The following PREX2 variants were observed in gnomAD, a reference collection of about 807,000 sequenced individuals.
PREX2 encodes the protein phosphatidylinositol-3,4,5-trisphosphate dependent Rac exchange factor 2.
PREX2 carries 107 observed loss-of-function variants against 203.2 expected under a neutral mutation model. That is an observed-to-expected ratio of 0.53 (90% CI 0.45 to 0.62). PREX2 has a LOEUF of 0.62. Among genes scored for constraint, PREX2 ranks in the 20% least tolerant of loss-of-function variants. PREX2 has a pLI of 0.00. For missense variants in PREX2, 1,777 were observed against 1,955.9 expected (o/e 0.91, Z 1.72); for synonymous variants, 672 against 663.6 (o/e 1.01, Z -0.19).
At chr8:68,108,437 A>G (rs185039668) in intron 24 of PREX2, 106 bp downstream of exon 24, 3 of 713,386 alleles carry the variant, frequency 4.2e-6, no homozygotes, top group African/African-American at 3.6e-5. Flanking sequence ...GCAAACAAGC[A>G]TGAACTTTTA....
chr8:68,217,815 T>C (rs1812873479), intron 38 of PREX2, 97 bp downstream of exon 38: 1 of 751,038 alleles, frequency 1.3e-6, no homozygotes, highest in Admixed American at 2.6e-5. Flanking sequence ...TGCCTGGATG[T>C]GATGGACAGT....
In PREX2 at chr8:68,115,728, A is replaced by AT. The variant is rs35346688; in HGVS notation, c.3147-16dup. 6.5e-3 allele frequency: 9,943 copies of AT among 1,531,258 alleles called. 195 individuals are homozygous for AT. The African/African-American group carries it at 0.074, about 11-fold the overall frequency. The allele number at this position is 1,531,258 out of a possible 1,614,324, so 94.9% of individuals were successfully genotyped here. ...TATAGCAGACAGTTTGAAAATGTGC[A>AT]TTTTTTTTTAATATTACATTGCAGC... is the stretch of plus-strand genomic sequence containing the variant. On this transcript the variant is annotated intron_variant, in intron 25 of 39. Coordinates refer to ENST00000288368, the MANE Select transcript of PREX2 (RefSeq NM_024870.4).
At chr8:68,162,858 T>A (rs1365455598) in intron 35 of PREX2, among the ~76,000 whole-genome samples, 1 of 152,150 alleles carries the variant, frequency 6.6e-6, no homozygotes, top group Non-Finnish European at 1.5e-5. Context: ...TCCAAAGACA[T>A]AAGCTCACAG....
In PREX2 at chr8:68,197,947, T is replaced by C. The variant is rs190986107; in HGVS notation, c.4604+5422T>C. On this transcript the variant is annotated intron_variant, in intron 37 of 39. Coordinates refer to ENST00000288368, the MANE Select transcript of PREX2 (RefSeq NM_024870.4). ...ATTTATCTTCTTTCTCAATTGTATATAAGAAACTACAGAGCGGCATCTTTC... is the reference window on the plus strand; with the variant it reads ...ATTTATCTTCTTTCTCAATTGTATACAAGAAACTACAGAGCGGCATCTTTC... Among the ~76,000 whole-genome samples, 7 of 152,058 alleles carry C rather than the reference T, an allele frequency of 4.6e-5. No homozygotes were observed. In the East Asian group the frequency reaches 7.7e-4, roughly 17 times the overall value.
intron 7 of PREX2, among the ~76,000 whole-genome samples, chr8:68,039,250 AC>A (rs1161738385): frequency 4.0e-5 from 6 of 151,800 alleles, no homozygotes; most frequent in Non-Finnish European, 8.8e-5. Context: ...CCACTGAGCT[AC>A]TCCTATCAGA....
intron 37 of PREX2, among the ~76,000 whole-genome samples, chr8:68,194,890 C>G (rs1266403069): frequency 7.2e-6 from 1 of 138,872 alleles, no homozygotes; most frequent in Non-Finnish European, 1.6e-5. Flanking sequence ...TGAGTGTCCT[C>G]AAGTGGGAAA....
intron 7 of PREX2, among the ~76,000 whole-genome samples, chr8:68,043,924 G>T (rs998651892): frequency 2.0e-5 from 3 of 151,910 alleles, no homozygotes; most frequent in Admixed American, 6.6e-5. Context: ...AATAAATAAG[G>T]CCTTCATGAA....
chr8:67,962,142 T>C (rs1319747625), intron 1 of PREX2, among the ~76,000 whole-genome samples: 1 of 152,244 alleles, frequency 6.6e-6, no homozygotes, highest in Non-Finnish European at 1.5e-5. Context: ...ACTTTTGTTA[T>C]TTTAATTATC....
chr8:67,971,391 G>T (rs1805924894), intron 1 of PREX2, among the ~76,000 whole-genome samples: 2 of 152,188 alleles, frequency 1.3e-5, no homozygotes, highest in Admixed American at 6.5e-5. Context: ...ATCTCAGGGT[G>T]CGGGGAGAGA....
At chr8:68,134,612 A>G (rs1029349440) in intron 32 of PREX2, among the ~76,000 whole-genome samples, 1 of 152,196 alleles carries the variant, frequency 6.6e-6, no homozygotes, top group African/African-American at 2.4e-5. Flanking sequence ...TTCCCAGTCG[A>G]AGGACACAGG....
chr8:68,146,249 T>C lies in PREX2; in HGVS notation c.4128T>C (p.Ala1376=). The part of the protein sequence containing the change: ...LTYQAEGSRQ[A]LKVYFYIDSY... ...ATCAAGCAGAAGGAAGTCGGCAAGC[T>C]CTGAAAGTTTACTTCTACATTGATA... The change falls in exon 34 of 40, where the codon GCT becomes GCC. Residue 1376 remains alanine, a synonymous_variant. Transcript: ENST00000288368. 2 of 1,611,836 alleles carry C rather than the reference T, an allele frequency of 1.2e-6. No individual in the cohort carries two copies. Among genetic ancestry groups the C allele is most frequent in the Non-Finnish European group, 1.7e-6 (2 of 1,178,670 alleles).
At chr8:68,157,690 A>C (rs1268301773) in intron 35 of PREX2, among the ~76,000 whole-genome samples, 2 of 152,116 alleles carry the variant, frequency 1.3e-5, no homozygotes, top group African/African-American at 4.8e-5. Flanking sequence ...AGAAGGGGTT[A>C]AATATGTAGT....
chr8:68,204,937 T>TC (rs1024555409), intron 37 of PREX2, among the ~76,000 whole-genome samples: 6 of 151,994 alleles, frequency 3.9e-5, no homozygotes, highest in Non-Finnish European at 5.9e-5. Flanking sequence ...CGCCTCGGCC[T>TC]CCCAAAGTGC....
At chr8:67,981,893 A>C (rs932020807) in intron 1 of PREX2, among the ~76,000 whole-genome samples, 1 of 152,184 alleles carries the variant, frequency 6.6e-6, no homozygotes, top group African/African-American at 2.4e-5. Flanking sequence ...AGAGGCTTCC[A>C]TAAGAATCGC....
intron 37 of PREX2, among the ~76,000 whole-genome samples, chr8:68,207,997 T>C (rs1346324839): frequency 1.3e-5 from 2 of 152,126 alleles, no homozygotes; most frequent in Admixed American, 1.3e-4. Context: ...AGGGACCATA[T>C]TGTGAAGATC....
At chr8:68,066,819 A>T (rs1355105593) in intron 11 of PREX2, among the ~76,000 whole-genome samples, 1 of 152,122 alleles carries the variant, frequency 6.6e-6, no homozygotes, top group Non-Finnish European at 1.5e-5. Flanking sequence ...AATGTCAAGT[A>T]GCTGTTCCCT....
chr8:68,137,745 CTTT>C lies in PREX2; in HGVS notation c.3985-666_3985-664del, dbSNP rs571565543. 2.6e-5 allele frequency among the ~76,000 whole-genome samples: 4 copies of C among 152,218 alleles called. No individual in the cohort carries two copies. The South Asian group carries it at 8.3e-4, about 32-fold the overall frequency. ...ATGACATCACTGAGACACACACTAACTTTTTTAATGTCTGGGCCTTACTTGCCT... is the reference window on the plus strand; with the variant it reads ...ATGACATCACTGAGACACACACTAACTTTAATGTCTGGGCCTTACTTGCCT... On this transcript the variant is annotated intron_variant, in intron 32 of 39. Coordinates refer to ENST00000288368, the MANE Select transcript of PREX2 (RefSeq NM_024870.4).
At position 68,087,676 on chromosome 8, in the gene PREX2, AG is replaced by A. The variant is rs779664554; in HGVS notation, c.2028-47del. Reference sequence around the variant, plus strand: ...GCTGTACACGACGATTATTTCAACCAGTTTTGATTCTTACGCTTCATCTTAC... The same window carrying A: ...GCTGTACACGACGATTATTTCAACCATTTTGATTCTTACGCTTCATCTTAC... On this transcript the variant is annotated intron_variant, in intron 18 of 39. Transcript: ENST00000288368. 42 of 1,302,354 alleles carry A rather than the reference AG, an allele frequency of 3.2e-5. No homozygotes were observed. The East Asian group carries it at 9.5e-4, about 29-fold the overall frequency. The allele number at this position is 1,302,354 out of a possible 1,614,324, so 80.7% of individuals were successfully genotyped here.
At chr8:68,040,473 G>C (rs932665865) in intron 7 of PREX2, among the ~76,000 whole-genome samples, 3 of 151,980 alleles carry the variant, frequency 2.0e-5, no homozygotes, top group African/African-American at 7.3e-5. Context: ...CCCATCCCTT[G>C]ATTATGCCAC....
Sources: allele counts gnomAD v4.1 joint callset (sites outside exome capture counted in the v4.1 genomes callset), GRCh38; gene constraint gnomAD v4.1.1; transcripts MANE v1.5; gene names NCBI Gene and HGNC (gene_info 2026-07-23, HGNC 2026-07-21).